Variants in HPSE2 observed in about 807,000 individuals in gnomAD.
The protein encoded by HPSE2 is heparanase 2 (inactive).
HPSE2 carries 38 observed loss-of-function variants against 60.5 expected under a neutral mutation model. That is an observed-to-expected ratio of 0.63 (90% CI 0.48 to 0.82). The LOEUF (loss-of-function observed/expected upper bound fraction) is 0.82. Ranked by LOEUF, HPSE2 falls within the 40% of genes least tolerant of loss-of-function variation. The pLI, the probability that HPSE2 is intolerant of heterozygous loss-of-function variation, is 0.00. For synonymous variants in HPSE2, 295 were observed against 293.2 expected (o/e 1.01, Z -0.06); for missense variants, 713 against 740.4 (o/e 0.96, Z 0.43).
intron 2 of HPSE2, among the ~76,000 whole-genome samples, chr10:99,150,338 T>C (rs529748007): frequency 1.8e-4 from 28 of 152,204 alleles, no homozygotes; most frequent in Admixed American, 1.6e-3. Flanking sequence ...GCCAAAAAAA[T>C]TTTTTAAGAC....
chr10:98,986,972 A>G (rs948819182), intron 3 of HPSE2, among the ~76,000 whole-genome samples: 6 of 152,186 alleles, frequency 3.9e-5, no homozygotes, highest in African/African-American at 1.4e-4. Context: ...ACAGACCAAT[A>G]GCAGGCTCCG....
intron 3 of HPSE2, among the ~76,000 whole-genome samples, chr10:99,102,978 T>A (rs1254363566): frequency 6.6e-6 from 1 of 152,220 alleles, no homozygotes; most frequent in Non-Finnish European, 1.5e-5. Flanking sequence ...TGATGGGACG[T>A]ATCTCAAAAT....
intron 2 of HPSE2, among the ~76,000 whole-genome samples, chr10:99,218,697 A>T (rs1849215828): frequency 6.6e-6 from 1 of 152,224 alleles, no homozygotes; most frequent in African/African-American, 2.4e-5. Flanking sequence ...ACTTTTGGAC[A>T]GGGGTGCCAT....
At chr10:98,630,388 G>A (rs571328780) in intron 7 of HPSE2, among the ~76,000 whole-genome samples, 9 of 151,818 alleles carry the variant, frequency 5.9e-5, no homozygotes, top group African/African-American at 1.7e-4. Flanking sequence ...TAGTAGAGAC[G>A]GTGTTTCACC....
intron 3 of HPSE2, among the ~76,000 whole-genome samples, chr10:98,794,267 G>A (rs1395752081): frequency 6.7e-6 from 1 of 149,320 alleles, no homozygotes; most frequent in Non-Finnish European, 1.5e-5. Flanking sequence ...TTGAGACAGA[G>A]TCTCACTCTG....
intron 2 of HPSE2, among the ~76,000 whole-genome samples, chr10:99,201,787 A>G (rs1554917636): frequency 6.6e-6 from 1 of 151,890 alleles, no homozygotes; most frequent in Non-Finnish European, 1.5e-5. Flanking sequence ...TAAAACAAAA[A>G]CTCATTCTAT....
chr10:99,246,591 C>T, the HPSE2 span, among the ~76,000 whole-genome samples: 20 of 152,106 alleles, frequency 1.3e-4, no homozygotes, highest in African/African-American at 4.8e-4. Flanking sequence ...TACTAAAATA[C>T]AAAAAATTAG....
At position 98,949,499 on chromosome 10, in the gene HPSE2, G is replaced by A. The variant is rs541979166; in HGVS notation, c.610+194739C>T. Among the ~76,000 whole-genome samples, 7 of 152,282 alleles carry A rather than the reference G, an allele frequency of 4.6e-5. No homozygotes were observed. In the South Asian group the frequency reaches 1.2e-3, roughly 27 times the overall value. On this transcript the variant is annotated intron_variant, in intron 3 of 11. Coordinates refer to ENST00000370552, the MANE Select transcript of HPSE2 (RefSeq NM_021828.5). ...CCAGCCATATGAAAAAAGCCAGTCT[G>A]ACAAGATGAAGCTGACCAGAGAGCA... is the stretch of plus-strand genomic sequence containing the variant.
At chr10:99,159,494 A>C (rs1308135070) in intron 2 of HPSE2, among the ~76,000 whole-genome samples, 1 of 152,214 alleles carries the variant, frequency 6.6e-6, no homozygotes, top group African/African-American at 2.4e-5. Context: ...ATGCACACAC[A>C]TAGAAGAAAT....
chr10:98,971,605 G>A (rs1955955854), intron 3 of HPSE2, among the ~76,000 whole-genome samples: 1 of 151,992 alleles, frequency 6.6e-6, no homozygotes, highest in South Asian at 2.1e-4. Context: ...ATTCACTCAT[G>A]TTGTTAGATA....
chr10:99,071,700 A>T (rs1482191838), intron 3 of HPSE2, among the ~76,000 whole-genome samples: 1 of 152,188 alleles, frequency 6.6e-6, no homozygotes, highest in African/African-American at 2.4e-5. Flanking sequence ...GCAGTTTTAA[A>T]TCTTATGTTT....
intron 9 of HPSE2, among the ~76,000 whole-genome samples, chr10:98,509,279 A>G (rs908317773): frequency 9.2e-5 from 14 of 151,918 alleles, no homozygotes; most frequent in Admixed American, 5.2e-4. Flanking sequence ...GCGCCACTGC[A>G]CTCCAGCCTG....
intron 3 of HPSE2, among the ~76,000 whole-genome samples, chr10:98,954,219 A>T (rs760322658): frequency 2.6e-5 from 4 of 152,034 alleles, no homozygotes; most frequent in Non-Finnish European, 5.9e-5. Flanking sequence ...GAGGCAGGAG[A>T]TCACTTGAAC....
At chr10:99,042,361 G>A (rs568701182) in intron 3 of HPSE2, among the ~76,000 whole-genome samples, 2 of 152,036 alleles carry the variant, frequency 1.3e-5, no homozygotes, top group African/African-American at 2.4e-5. Flanking sequence ...CCAACTGGCA[G>A]AAGCAGCTCT....
the HPSE2 span, among the ~76,000 whole-genome samples, chr10:99,311,366 T>C: frequency 1.3e-5 from 2 of 152,260 alleles, no homozygotes; most frequent in Admixed American, 6.5e-5. Context: ...CCTGCATTAA[T>C]GCCATTTTTC....
At chr10:98,980,013 G>A (rs17111026) in intron 3 of HPSE2, among the ~76,000 whole-genome samples, 2,942 of 152,212 alleles carry the variant, frequency 0.019, 108 homozygotes, top group East Asian at 0.15. Context: ...TCAGATGAAC[G>A]CTGCAGGCCA....
intron 3 of HPSE2, among the ~76,000 whole-genome samples, chr10:99,122,428 C>G (rs1844991658): frequency 6.6e-6 from 1 of 151,518 alleles, no homozygotes; most frequent in African/African-American, 2.4e-5. Flanking sequence ...GACTGTATAC[C>G]TATGAAACAC....
intron 9 of HPSE2, among the ~76,000 whole-genome samples, chr10:98,569,823 A>G (rs747656315): frequency 1.3e-5 from 2 of 152,168 alleles, no homozygotes; most frequent in Non-Finnish European, 2.9e-5. Context: ...CTTCCAGGAT[A>G]GCTCCCCAGT....
intron 8 of HPSE2, among the ~76,000 whole-genome samples, chr10:98,618,389 G>A (rs1945977791): frequency 6.6e-6 from 1 of 152,164 alleles, no homozygotes; most frequent in African/African-American, 2.4e-5. Flanking sequence ...AGGGAAGAAT[G>A]CTCACAAAAC....
Sources: gnomAD v4.1 joint callset for allele counts (sites outside exome capture counted in the v4.1 genomes callset) on GRCh38, gnomAD v4.1.1 for gene constraint, MANE v1.5 for transcripts, NCBI Gene and HGNC (gene_info 2026-07-23, HGNC 2026-07-21) for gene names.